MLIP: variants seen among roughly 807,000 people sequenced by gnomAD.
MLIP encodes muscular LMNA interacting protein, also known as muscular LMNA-interacting protein.
In MLIP, 79 loss-of-function variants were observed where a neutral mutation model predicts 84.8. That is an observed-to-expected ratio of 0.93 (90% CI 0.78 to 1.12). The LOEUF (loss-of-function observed/expected upper bound fraction) is 1.12, where lower values mean the gene tolerates loss of function less well. Ranked by LOEUF, MLIP falls within the 50% of genes most tolerant of loss-of-function variation. The pLI is 0.00. For missense variants in MLIP, 1,257 were observed against 1,160.6 expected, an observed-to-expected ratio of 1.08 and a Z score of -1.21; for synonymous variants, 504 against 463.0, an observed-to-expected ratio of 1.09 and a Z score of -1.14.
intron 1 of MLIP, among the ~76,000 whole-genome samples, chr6:54,020,532 T>C (rs1385566656): frequency 1.3e-5 from 2 of 152,200 alleles, no homozygotes; most frequent in Non-Finnish European, 2.9e-5. Flanking sequence ...ACCCTGAGCT[T>C]CCTGGCAGTC....
intron 11 of MLIP, among the ~76,000 whole-genome samples, chr6:54,223,147 T>C (rs1479555679): frequency 6.6e-6 from 1 of 152,022 alleles, no homozygotes; most frequent in Admixed American, 6.6e-5. Context: ...AGCTTTTATA[T>C]AGACAGTTTG....
chr6:54,138,355 G>A (rs1391441117), intron 4 of MLIP, 69 bp downstream of exon 4: 2 of 1,448,130 alleles, frequency 1.4e-6, no homozygotes, highest in South Asian at 1.4e-5. Flanking sequence ...TTTTCCCCAA[G>A]GCAGAAATCA....
chr6:54,110,204 C>A (rs1168205103), upstream of MLIP, among the ~76,000 whole-genome samples: 2 of 151,876 alleles, frequency 1.3e-5, no homozygotes, highest in Non-Finnish European at 2.9e-5. Context: ...AGAATGGTCT[C>A]GATCTCCTGA....
intron 13 of MLIP, among the ~76,000 whole-genome samples, chr6:54,258,383 T>C (rs1783160034): frequency 6.6e-6 from 1 of 152,118 alleles, no homozygotes; most frequent in Non-Finnish European, 1.5e-5. Flanking sequence ...ATAAGACTGA[T>C]GTGGCTTTTT....
rs577694676 is a variant in MLIP, at chr6:54,159,626, C to T, written c.2290-741C>T. ...CAATGAAGTAGTGAAAATTCAGCAACAACCCAGCAGACGTATTAGATGAGG... is the reference window on the plus strand; with the variant it reads ...CAATGAAGTAGTGAAAATTCAGCAATAACCCAGCAGACGTATTAGATGAGG... On this transcript the variant is annotated intron_variant, in intron 5 of 13. Coordinates refer to ENST00000502396, the MANE Select transcript of MLIP (RefSeq NM_001281747.2). 8.5e-5 allele frequency among the ~76,000 whole-genome samples: 13 copies of T among 152,088 alleles called. 1 individual carries two copies. In the South Asian group the frequency reaches 2.7e-3, roughly 32 times the overall value.
rs754418515 is a variant in MLIP at position 54,136,927 on chromosome 6, CT to C, written c.862del (p.Ser288LeufsTer35). On this transcript the variant is annotated frameshift_variant, in exon 4 of 14. Transcript: ENST00000502396. LOFTEE classifies it high-confidence loss of function. ...TTCAAACTACCGCTCACTCTACACC[CT>C]TTTCTGCATCGAAGGGCACCTCCTC... The part of the protein sequence containing the change: ...YFQTTAHSTP[F>X]SASKGTSSTL... The C allele has an allele frequency of 6.5e-7, 1 of 1,536,058 alleles. No individual in the cohort carries two copies. Among genetic ancestry groups the C allele is most frequent in the Non-Finnish European group, 8.7e-7 (1 of 1,146,880 alleles).
intron 1 of MLIP, among the ~76,000 whole-genome samples, chr6:54,078,584 TA>T (rs1473442977): frequency 1.3e-5 from 2 of 151,744 alleles, no homozygotes; most frequent in Non-Finnish European, 2.9e-5. Flanking sequence ...ACCCTGTCTC[TA>T]AAAAGAAAAA....
intron 11 of MLIP, chr6:54,217,323 G>A (rs1779922880): frequency 1.0e-6 from 1 of 985,360 alleles, no homozygotes; most frequent in Non-Finnish European, 1.2e-6. Flanking sequence ...GCTTTAATAA[G>A]AAGAGCTCAA....
intron 1 of MLIP, among the ~76,000 whole-genome samples, chr6:54,050,152 C>G (rs1765293457): frequency 6.6e-6 from 1 of 151,932 alleles, no homozygotes; most frequent in Non-Finnish European, 1.5e-5. Context: ...AATTCACTTC[C>G]CCTCATGTAA....
At chr6:54,192,706 C>T (rs114033933) in intron 10 of MLIP, among the ~76,000 whole-genome samples, 1,968 of 151,882 alleles carry the variant, frequency 0.013, 47 homozygotes, top group African/African-American at 0.045. Context: ...TTTATATATA[C>T]ACATCTTTGT....
intron 1 of MLIP, among the ~76,000 whole-genome samples, chr6:54,096,986 A>G (rs685893): frequency 0.38 from 57,278 of 151,958 alleles, 11,115 homozygotes; most frequent in African/African-American, 0.46. Context: ...CAGGAAGGAC[A>G]GGAAATGGAG....
chr6:54,253,013 C>T (rs1782747187), intron 12 of MLIP, among the ~76,000 whole-genome samples: 1 of 152,022 alleles, frequency 6.6e-6, no homozygotes, highest in African/African-American at 2.4e-5. Context: ...TTTCTGTAGC[C>T]ATCGAATTCT....
chr6:54,079,906 C>T (rs767925280), intron 1 of MLIP, among the ~76,000 whole-genome samples: 1 of 152,166 alleles, frequency 6.6e-6, no homozygotes. Context: ...CCAACTACCG[C>T]TCCACAAAAC....
chr6:54,196,354 A>G (rs1778293986), intron 10 of MLIP, among the ~76,000 whole-genome samples: 1 of 152,056 alleles, frequency 6.6e-6, no homozygotes, highest in Admixed American at 6.6e-5. Flanking sequence ...CTCGCCCACA[A>G]CAGGCCTCTG....
chr6:54,251,781 CAT>C (rs1474714352), intron 12 of MLIP, among the ~76,000 whole-genome samples: 11 of 88,538 alleles, frequency 1.2e-4, no homozygotes, highest in Non-Finnish European at 1.9e-4. Context: ...TATATTATAA[CAT>C]ATAATATATA....
At position 54,169,581 on chromosome 6, in the gene MLIP, C is replaced by T. The variant is rs767361079; in HGVS notation, c.2544+9C>T. The T allele has an allele frequency of 1.3e-6, 2 of 1,578,204 alleles. No individual in the cohort carries two copies. Among genetic ancestry groups the T allele is most frequent in the Non-Finnish European group, 1.7e-6 (2 of 1,159,314 alleles). The stretch of plus-strand genomic sequence containing the variant: ...GTCGAGAAACCAAATATGTAAGTAC[C>T]TTTATAATTATACACACTGCTTTTC... On this transcript the variant is annotated intron_variant, in intron 9 of 13. Transcript: ENST00000502396.
At chr6:54,244,897 T>G (rs1321998430) in intron 12 of MLIP, among the ~76,000 whole-genome samples, 1 of 152,280 alleles carries the variant, frequency 6.6e-6, no homozygotes, top group East Asian at 1.9e-4. Flanking sequence ...TTAAATAAAA[T>G]CATTCAAGAA....
At chr6:54,023,084 G>A (rs1413149571) in intron 1 of MLIP, among the ~76,000 whole-genome samples, 9 of 151,732 alleles carry the variant, frequency 5.9e-5, no homozygotes, top group Non-Finnish European at 1.0e-4. Context: ...GGAGAATGGC[G>A]TGAACCCGGG....
intron 1 of MLIP, among the ~76,000 whole-genome samples, chr6:54,114,134 G>T (rs2150412994): frequency 6.6e-6 from 1 of 152,348 alleles, no homozygotes. Context: ...ACCTTGGCTA[G>T]TTCTTCCTCA....
Sources: gnomAD v4.1 joint callset for allele counts (sites outside exome capture counted in the v4.1 genomes callset) on GRCh38, gnomAD v4.1.1 for gene constraint, MANE v1.5 for transcripts, NCBI Gene and HGNC (gene_info 2026-07-23, HGNC 2026-07-21) for gene names.